CDC25C: variants seen among roughly 807,000 people sequenced by gnomAD.
The protein encoded by CDC25C is cell division cycle 25C, also known as M-phase inducer phosphatase 3.
CDC25C carries 48 observed loss-of-function variants against 52.5 expected under a neutral mutation model. The observed-to-expected ratio is 0.91, with a 90% CI of 0.72 to 1.16. CDC25C has a LOEUF of 1.16. Among genes scored for constraint, CDC25C ranks in the 50% most tolerant of loss-of-function variants. CDC25C has a pLI of 0.00. For missense variants in CDC25C, 510 were observed against 566.1 expected (o/e 0.90, Z 1.01); for synonymous variants, 187 against 206.5 (o/e 0.91, Z 0.81).
intron 7 of CDC25C, among the ~76,000 whole-genome samples, chr5:138,302,460 G>A (rs1757699874): frequency 6.6e-6 from 1 of 151,808 alleles, no homozygotes; most frequent in African/African-American, 2.4e-5. Context: ...AGCACTTTGG[G>A]AGGCCAAGGC....
intron 7 of CDC25C, among the ~76,000 whole-genome samples, chr5:138,310,220 C>G (rs1758338525): frequency 1.3e-5 from 2 of 152,168 alleles, no homozygotes; most frequent in Admixed American, 1.3e-4. Flanking sequence ...TACTATCATC[C>G]CTGGAGTTCC....
intron 7 of CDC25C, among the ~76,000 whole-genome samples, chr5:138,307,490 C>CAAAAAAAAAAAAAAA (rs57593237): frequency 2.0e-3 from 174 of 88,176 alleles, no homozygotes; most frequent in Non-Finnish European, 2.2e-3. Context: ...GAGACTGCCA[C>CAAAAAAAAAAAAAAA]AAAAAAAAAA....
intron 7 of CDC25C, among the ~76,000 whole-genome samples, chr5:138,306,894 A>C (rs750307156): frequency 4.0e-5 from 6 of 150,242 alleles, no homozygotes; most frequent in Non-Finnish European, 8.9e-5. Flanking sequence ...CCCATGCTGG[A>C]GTGCAGCGGC....
intron 6 of CDC25C, among the ~76,000 whole-genome samples, chr5:138,321,898 A>G (rs1384829481): frequency 6.6e-6 from 1 of 152,092 alleles, no homozygotes; most frequent in African/African-American, 2.4e-5. Flanking sequence ...AAGGCAAGTC[A>G]ATGCCTGGGT....
chr5:138,320,033 G>A (rs187078849), intron 6 of CDC25C, among the ~76,000 whole-genome samples: 133 of 152,308 alleles, frequency 8.7e-4, no homozygotes, highest in Non-Finnish European at 1.0e-3. Context: ...GGGGCCGGGC[G>A]CAGTAGCTCA....
At chr5:138,331,330 G>A in intron 1 of CDC25C, 112 bp from the exon 2 acceptor site, 2 of 781,692 alleles carry the variant, frequency 2.6e-6, no homozygotes, top group Non-Finnish European at 2.0e-6. Flanking sequence ...CAACCCCGAA[G>A]GGTGATTCAC....
At position 138,290,721 on chromosome 5, in the gene CDC25C, G is replaced by A; in HGVS notation, c.782C>T (p.Thr261Ile). ...KLRKGLCLKK[T>I]VSLCDITITQ... is the part of the protein sequence containing the mutation. ...GATAGTAATGTCACACAGAGAGACT[G>A]TCTTCTTTAAACATAAGCCCTGAAG... Residue 261 changes from threonine (T) to isoleucine (I), a missense_variant, in exon 9 of 14, where the codon ACA becomes ATA. Coordinates refer to ENST00000323760, the MANE Select transcript of CDC25C (RefSeq NM_001790.5). The A allele has an allele frequency of 6.2e-7, 1 of 1,606,394 alleles. No individual in the cohort carries two copies. The highest frequency in any genetic ancestry group is 8.5e-7 in the Non-Finnish European group (1 of 1,173,120).
intron 2 of CDC25C, among the ~76,000 whole-genome samples, 165 bp from the exon 3 acceptor site, chr5:138,329,812 C>A (rs988033718): frequency 2.1e-5 from 3 of 144,236 alleles, no homozygotes; most frequent in African/African-American, 7.8e-5. Context: ...CTCACTGCAA[C>A]CTCCGCCTCC....
rs1756638301 is a variant in CDC25C, at chr5:138,290,749, G to C, written c.763-9C>G. 1 of 1,527,696 alleles carries C rather than the reference G, an allele frequency of 6.5e-7. No individual in the cohort carries two copies. The highest frequency in any genetic ancestry group is 1.4e-5 in the African/African-American group (1 of 73,324). The allele number at this position is 1,527,696 out of a possible 1,614,324, so 94.6% of individuals were successfully genotyped here. On this transcript the variant is annotated splice_polypyrimidine_tract_variant and intron_variant, in intron 8 of 13. Coordinates refer to ENST00000323760, the MANE Select transcript of CDC25C (RefSeq NM_001790.5). ...TTCTTTAAACATAAGCCCTGAAGAT[G>C]ACAAGATTCCCACCCCACACCCAAT... is the stretch of plus-strand genomic sequence containing the variant.
At chr5:138,316,557 TA>T (rs1200755481) in intron 7 of CDC25C, among the ~76,000 whole-genome samples, 1 of 152,090 alleles carries the variant, frequency 6.6e-6, no homozygotes, top group Non-Finnish European at 1.5e-5. Context: ...ACCGGGCTGC[TA>T]GTCCCACCCA....
At chr5:138,287,019 T>C in intron 11 of CDC25C, 150 bp downstream of exon 11, 1 of 581,172 alleles carries the variant, frequency 1.7e-6, no homozygotes, top group Non-Finnish European at 3.1e-6. Flanking sequence ...GTATACAGAA[T>C]TAAAACAATG....
upstream of CDC25C, among the ~76,000 whole-genome samples, chr5:138,334,368 CTT>C (rs989312345): frequency 1.4e-5 from 2 of 148,050 alleles, no homozygotes; most frequent in African/African-American, 2.5e-5. Flanking sequence ...AACAAAAAAA[CTT>C]TTTTTTTTTG....
intron 7 of CDC25C, among the ~76,000 whole-genome samples, chr5:138,297,736 G>T (rs889783752): frequency 1.3e-5 from 2 of 152,162 alleles, no homozygotes; most frequent in Admixed American, 6.6e-5. Flanking sequence ...AAACAAAGAA[G>T]TAGACTAATA....
intron 10 of CDC25C, among the ~76,000 whole-genome samples, chr5:138,289,271 C>T (rs889847851): frequency 2.0e-5 from 3 of 152,094 alleles, no homozygotes; most frequent in Non-Finnish European, 4.4e-5. Flanking sequence ...CCATGCCTGA[C>T]CCCTCCCTTT....
intron 7 of CDC25C, among the ~76,000 whole-genome samples, chr5:138,304,501 C>G (rs1021580915): frequency 1.1e-4 from 15 of 142,730 alleles, no homozygotes; most frequent in Non-Finnish European, 2.0e-4. Flanking sequence ...GCTTCCAACT[C>G]TTTTTTTTTT....
chr5:138,333,937 GTA>G (rs1342113130), upstream of CDC25C, among the ~76,000 whole-genome samples: 1 of 151,736 alleles, frequency 6.6e-6, no homozygotes, highest in African/African-American at 2.4e-5. Context: ...GCTCTTAAGA[GTA>G]TTTTTTTTTT....
chr5:138,338,242 CA>C lies in CDC25C; in HGVS notation c.-275del, dbSNP rs1309594615. The C allele has an allele frequency of 6.0e-6, 7 of 1,174,296 alleles. No individual in the cohort carries two copies. In the African/African-American group the frequency reaches 6.3e-5, roughly 11 times the overall value. 72.7% of individuals were successfully genotyped at this position (1,174,296 alleles called of 1,614,324 possible). ...GGTTCGCGCCAGCGCCTTTTAAGGGCACCGTGGGGCGAACCGAGCGCTCAGA... is the reference window on the plus strand; with the variant it reads ...GGTTCGCGCCAGCGCCTTTTAAGGGCCCGTGGGGCGAACCGAGCGCTCAGA... On this transcript the variant is annotated 5_prime_UTR_variant, in exon 1 of 6. Transcript: ENST00000510119.
intron 12 of CDC25C, 26 bp downstream of exon 12, chr5:138,286,471 C>T (rs1756240285): frequency 6.3e-7 from 1 of 1,592,084 alleles, no homozygotes; most frequent in East Asian, 2.2e-5. Context: ...TTTCCATCAC[C>T]CGCCAGACCC....
intron 3 of CDC25C, 25 bp from the exon 4 acceptor site, chr5:138,328,554 T>C: frequency 6.3e-7 from 1 of 1,592,944 alleles, no homozygotes; most frequent in Non-Finnish European, 8.6e-7. Context: ...AAAGAATCAG[T>C]AAAAGGAGTT....
Sources: gnomAD v4.1 joint callset for allele counts (sites outside exome capture counted in the v4.1 genomes callset) on GRCh38, gnomAD v4.1.1 for gene constraint, MANE v1.5 for transcripts, NCBI Gene and HGNC (gene_info 2026-07-23, HGNC 2026-07-21) for gene names.